The following SPAG16 variants were observed in gnomAD, a reference collection of about 807,000 sequenced individuals.
SPAG16 encodes the protein sperm-associated antigen 16 protein.
A neutral mutation model predicts 80.4 loss-of-function variants in SPAG16; 86 were observed. The observed-to-expected ratio is 1.07, with a 90% CI of 0.90 to 1.28. The LOEUF is 1.28. Ranked by LOEUF, SPAG16 falls within the 50% of genes most tolerant of loss-of-function variation. The pLI is 0.00. For synonymous variants in SPAG16, 294 were observed against 265.9 expected (o/e 1.11, Z -1.03); for missense variants, 870 against 765.3 (o/e 1.14, Z -1.61).
In SPAG16 at chr2:213,797,131, T is replaced by A. The variant is rs143856032; in HGVS notation, c.1071-65354T>A. On this transcript the variant is annotated intron_variant, in intron 10 of 15. Coordinates refer to ENST00000331683, the MANE Select transcript of SPAG16 (RefSeq NM_024532.5). The stretch of plus-strand genomic sequence containing the variant: ...ATATTTTGTACAGCTGTACAATGTA[T>A]GTTTTAAGCTAACTGTTAATATAAG... 9.8e-4 allele frequency among the ~76,000 whole-genome samples: 149 copies of A among 152,198 alleles called. 2 individuals are homozygous for A. The East Asian group carries it at 0.024, about 24-fold the overall frequency.
chr2:213,677,810 T>G (rs1393801508), intron 10 of SPAG16, among the ~76,000 whole-genome samples: 7 of 152,250 alleles, frequency 4.6e-5, no homozygotes, highest in African/African-American at 1.7e-4. Flanking sequence ...ATCAACAGAA[T>G]ATACATTTTT....
chr2:213,862,581 G>C lies in SPAG16; in HGVS notation c.1167G>C (p.Thr389=). ...LGLPKCNVLL[T]GFGHTDWLSD... is the part of the protein sequence containing the mutation. ...TTCCAAAATGCAATGTGCTTCTCAC[G>C]GGATTTGGCCACACTGACTGGCTTT... Residue 389 remains threonine (T), a synonymous_variant, in exon 11 of 16, where the codon ACG becomes ACC. Transcript: ENST00000331683. 6.2e-7 allele frequency: 1 copy of C among 1,614,084 alleles called. No homozygotes were observed. The highest frequency in any genetic ancestry group is 8.5e-7 in the Non-Finnish European group (1 of 1,179,994).
At chr2:213,492,358 G>C (rs1421168595) in intron 10 of SPAG16, among the ~76,000 whole-genome samples, 1 of 152,048 alleles carries the variant, frequency 6.6e-6, no homozygotes, top group African/African-American at 2.4e-5. Context: ...AGACCATCCT[G>C]GCTAACACAG....
At chr2:213,421,844 A>G (rs1575548577) in intron 9 of SPAG16, among the ~76,000 whole-genome samples, 1 of 151,970 alleles carries the variant, frequency 6.6e-6, no homozygotes, top group Non-Finnish European at 1.5e-5. Context: ...CATCAGGACG[A>G]CCTGCCCGCA....
intron 7 of SPAG16, among the ~76,000 whole-genome samples, chr2:213,351,359 C>T (rs1026875275): frequency 6.6e-6 from 1 of 151,986 alleles, no homozygotes; most frequent in African/African-American, 2.4e-5. Flanking sequence ...CAAAGACATA[C>T]CATTTAAGAT....
At chr2:213,508,338 C>T (rs1185912625) in intron 10 of SPAG16, among the ~76,000 whole-genome samples, 4 of 151,838 alleles carry the variant, frequency 2.6e-5, no homozygotes, top group Non-Finnish European at 5.9e-5. Flanking sequence ...TTTGGGAGGC[C>T]GAGGCGGGTG....
rs187338410 is a variant in SPAG16, at chr2:214,044,764, A to G, written c.1527+30687A>G. On this transcript the variant is annotated intron_variant, in intron 13 of 15. Transcript: ENST00000331683. Reference sequence around the variant, plus strand: ...CAACAATTGTGAGGCATTGCATTGAACTCAGTGCTGCCCTGTCACAGCACA... The same window carrying G: ...CAACAATTGTGAGGCATTGCATTGAGCTCAGTGCTGCCCTGTCACAGCACA... Among the ~76,000 whole-genome samples, 937 of 152,240 alleles carry G rather than the reference A, an allele frequency of 6.2e-3. 15 individuals are homozygous for G. Among genetic ancestry groups the G allele is most frequent in the African/African-American group, 0.021 (877 of 41,520 alleles).
At chr2:214,375,529 C>G (rs1226715230) in intron 15 of SPAG16, among the ~76,000 whole-genome samples, 28 of 152,130 alleles carry the variant, frequency 1.8e-4, no homozygotes, top group Non-Finnish European at 1.8e-4. Context: ...CCATGCCCAC[C>G]TACAACACAC....
intron 15 of SPAG16, among the ~76,000 whole-genome samples, chr2:214,158,200 CTA>C (rs1455744468): frequency 6.6e-6 from 1 of 151,860 alleles, no homozygotes; most frequent in Non-Finnish European, 1.5e-5. Flanking sequence ...GCATTTTTTC[CTA>C]TGTTTAGAAT....
At chr2:213,745,440 A>G (rs2067773653) in intron 10 of SPAG16, among the ~76,000 whole-genome samples, 1 of 152,084 alleles carries the variant, frequency 6.6e-6, no homozygotes, top group African/African-American at 2.4e-5. Context: ...ACGGAGTTTC[A>G]CCATGTTGAC....
At chr2:214,258,244 T>A (rs1024629909) in intron 15 of SPAG16, among the ~76,000 whole-genome samples, 4 of 151,832 alleles carry the variant, frequency 2.6e-5, no homozygotes, top group Non-Finnish European at 4.4e-5. Flanking sequence ...CTCACCCCCC[T>A]CCCACTCTTC....
intron 15 of SPAG16, among the ~76,000 whole-genome samples, chr2:214,275,204 T>C (rs1692368479): frequency 6.6e-6 from 1 of 152,212 alleles, no homozygotes; most frequent in Non-Finnish European, 1.5e-5. Flanking sequence ...TTTATTAGTC[T>C]TGCTAGCAGT....
At chr2:214,273,949 G>A (rs1311182274) in intron 15 of SPAG16, among the ~76,000 whole-genome samples, 1 of 151,968 alleles carries the variant, frequency 6.6e-6, no homozygotes, top group South Asian at 2.1e-4. Flanking sequence ...TCTTCCATTT[G>A]TTTGTGTCCC....
At chr2:214,148,094 A>G (rs1310772609) in intron 14 of SPAG16, among the ~76,000 whole-genome samples, 1 of 152,208 alleles carries the variant, frequency 6.6e-6, no homozygotes, top group Non-Finnish European at 1.5e-5. Context: ...GGGAAACAGT[A>G]TATTGATGTT....
intron 10 of SPAG16, among the ~76,000 whole-genome samples, chr2:213,706,880 G>A (rs1295383806): frequency 6.6e-6 from 1 of 152,174 alleles, no homozygotes; most frequent in Admixed American, 6.5e-5. Context: ...TCTGCTTCTA[G>A]TCATTAACAT....
At position 213,292,678 on chromosome 2, in the gene SPAG16, A is replaced by AAC. The variant is rs1395555308; in HGVS notation, c.137-3385_137-3384insCA. On this transcript the variant is annotated intron_variant, in intron 1 of 15. Transcript: ENST00000331683. ...GACTCCGTCTCAAAAAAAAAAAACA[A>AAC]AAAAAACAAAAAAAAACAAAACTAT... Among the ~76,000 whole-genome samples, 82 of 128,204 alleles carry AAC rather than the reference A, an allele frequency of 6.4e-4. 2 individuals carry two copies. The highest frequency in any genetic ancestry group is 1.3e-3 in the Non-Finnish European group (73 of 57,174). The allele number at this position is 128,204 out of a possible 152,430, so 84.1% of individuals were successfully genotyped here.
In SPAG16 at chr2:214,179,202, G is replaced by T. The variant is rs899557561; in HGVS notation, c.1720+29936G>T. On this transcript the variant is annotated intron_variant, in intron 15 of 15. Coordinates refer to ENST00000331683, the MANE Select transcript of SPAG16 (RefSeq NM_024532.5). ...TTGCCAAATTAGAAAAGCTGGACCT[G>T]TGATCTAAAAGATCCAATTCTCTGG... 7.9e-5 allele frequency among the ~76,000 whole-genome samples: 12 copies of T among 151,434 alleles called. No homozygotes were observed. The East Asian group carries it at 2.3e-3, about 29-fold the overall frequency.
chr2:213,955,044 C>A (rs780287159), intron 12 of SPAG16, among the ~76,000 whole-genome samples: 1 of 151,822 alleles, frequency 6.6e-6, no homozygotes, highest in Non-Finnish European at 1.5e-5. Context: ...TTACATATTT[C>A]TTTTATTTCT....
At chr2:213,318,752 A>T (rs2126140653) in intron 5 of SPAG16, among the ~76,000 whole-genome samples, 1 of 152,134 alleles carries the variant, frequency 6.6e-6, no homozygotes, top group Non-Finnish European at 1.5e-5. Flanking sequence ...ATTTATATTA[A>T]TGCATATTTA....
Sources: allele counts gnomAD v4.1 joint callset (sites outside exome capture counted in the v4.1 genomes callset), GRCh38; gene constraint gnomAD v4.1.1; transcripts MANE v1.5; gene names NCBI Gene and HGNC (gene_info 2026-07-23, HGNC 2026-07-21).